Variants in NRROS observed in about 807,000 individuals in gnomAD.
NRROS encodes negative regulator of reactive oxygen species, also known as transforming growth factor beta activator LRRC33.
Under a neutral mutation model 12.0 loss-of-function variants are expected in NRROS, and 6 were observed. The ratio of observed to expected loss-of-function variants is 0.50; its 90% confidence interval spans 0.27 to 0.98. The LOEUF (loss-of-function observed/expected upper bound fraction) is 0.98, where lower values mean the gene tolerates loss of function less well. Among genes scored for constraint, NRROS ranks in the 50% least tolerant of loss-of-function variants. The pLI, the probability that NRROS is intolerant of heterozygous loss-of-function variation, is 0.11. For missense variants in NRROS, 857 were observed against 888.2 expected (o/e 0.96, Z 0.45); for synonymous variants, 462 against 410.2 (o/e 1.13, Z -1.53).
chr3:196,653,801 G>T (rs1215310473), intron 1 of NRROS, among the ~76,000 whole-genome samples: 1 of 152,158 alleles, frequency 6.6e-6, no homozygotes, highest in African/African-American at 2.4e-5. Context: ...CTGAATCTCT[G>T]CTGGTGCGTG....
At chr3:196,641,788 A>T (rs1737214401) in intron 1 of NRROS, among the ~76,000 whole-genome samples, 1 of 152,186 alleles carries the variant, frequency 6.6e-6, no homozygotes, top group South Asian at 2.1e-4. Context: ...CACAGTGTGC[A>T]CCAGACTCTC....
Position 196,660,435 on chromosome 3 carries a change from C to A in NRROS, c.792C>A (p.Phe264Leu). 6.2e-7 allele frequency: 1 copy of A among 1,613,944 alleles called. No homozygotes were observed. Among genetic ancestry groups the A allele is most frequent in the South Asian group, 1.1e-5 (1 of 91,076 alleles). ...TLDLSHNQLLFFPLLPQYSKL... is the reference protein window; with the variant it reads ...TLDLSHNQLLLFPLLPQYSKL... Reference sequence around the variant, plus strand: ...ACCTGTCTCACAACCAGCTGCTGTTCTTCCCGCTGCTGCCCCAGTACAGCA... The same window carrying A: ...ACCTGTCTCACAACCAGCTGCTGTTATTCCCGCTGCTGCCCCAGTACAGCA... The change falls in exon 3 of 3, where the codon TTC (phenylalanine) becomes TTA (leucine). Residue 264 changes from phenylalanine to leucine, a missense_variant. Transcript: ENST00000328557. The surrounding 1 kb of genome is among the most constrained non-coding windows in gnomAD (Gnocchi z 7.7).
intron 1 of NRROS, among the ~76,000 whole-genome samples, chr3:196,652,097 A>G (rs1420518404): frequency 6.6e-6 from 1 of 152,246 alleles, no homozygotes; most frequent in African/African-American, 2.4e-5. Context: ...GCTGTCAGCC[A>G]GCATAGTCAT....
In NRROS at chr3:196,661,889, G is replaced by A. The variant is rs910438898; in HGVS notation, c.*167G>A. 7 of 342,990 alleles carry A rather than the reference G, an allele frequency of 2.0e-5. No homozygotes were observed. The highest frequency in any genetic ancestry group is 1.8e-4 in the Admixed American group (3 of 16,634). The allele number at this position is 342,990 out of a possible 1,614,324, so 21.2% of individuals were successfully genotyped here. On this transcript the variant is annotated 3_prime_UTR_variant, in exon 3 of 3. Transcript: ENST00000328557. The stretch of plus-strand genomic sequence containing the variant: ...CCACCCCACCCCCGCCCCCACCACC[G>A]CCCAAGTTCTTTTTCCATCATTATA...
chr3:196,654,346 T>C lies in NRROS; in HGVS notation c.-13-181T>C, dbSNP rs1737491035. 6.6e-6 allele frequency among the ~76,000 whole-genome samples: 1 copy of C among 152,166 alleles called. No homozygotes were observed. Among genetic ancestry groups the C allele is most frequent in the Non-Finnish European group, 1.5e-5 (1 of 68,030 alleles). On this transcript the variant is annotated intron_variant, in intron 1 of 2. Transcript: ENST00000328557. The surrounding 1 kb of genome is among the most constrained non-coding windows in gnomAD (Gnocchi z 4.4). ...ATTGAGTTCTTGTCAACAGTTTCAGTGAAAGGCCGGAAGTCTTGGCTAAAT... is the reference window on the plus strand; with the variant it reads ...ATTGAGTTCTTGTCAACAGTTTCAGCGAAAGGCCGGAAGTCTTGGCTAAAT...
At chr3:196,650,296 A>G (rs1737399273) in intron 1 of NRROS, among the ~76,000 whole-genome samples, 1 of 152,188 alleles carries the variant, frequency 6.6e-6, no homozygotes, top group African/African-American at 2.4e-5. Context: ...GGCATCCGCC[A>G]CCACGCCCAG....
intron 1 of NRROS, among the ~76,000 whole-genome samples, chr3:196,645,714 G>T (rs1420523784): frequency 6.6e-6 from 1 of 151,984 alleles, no homozygotes; most frequent in Non-Finnish European, 1.5e-5. Context: ...CGGGGTGGGG[G>T]GATATATTTT....
At chr3:196,653,681 C>G (rs1277172323) in intron 1 of NRROS, among the ~76,000 whole-genome samples, 1 of 152,376 alleles carries the variant, frequency 6.6e-6, no homozygotes, top group African/African-American at 2.4e-5. Context: ...CGGGGCTGCT[C>G]TTAGCCCTGC....
At chr3:196,659,296 CTTTTTT>C (rs35305090) in intron 2 of NRROS, among the ~76,000 whole-genome samples, 6 of 81,406 alleles carry the variant, frequency 7.4e-5, no homozygotes, top group African/African-American at 2.5e-4. Context: ...CTCTCAAGTC[CTTTTTT>C]TTTTTTTTTT....
intron 1 of NRROS, among the ~76,000 whole-genome samples, chr3:196,653,940 C>T (rs1352543181): frequency 2.0e-5 from 3 of 152,134 alleles, no homozygotes; most frequent in Admixed American, 2.0e-4. Context: ...TCCGTGTTTC[C>T]CCCGTCCAAG....
At chr3:196,657,689 A>G (rs923466402) in intron 2 of NRROS, among the ~76,000 whole-genome samples, 1 of 149,962 alleles carries the variant, frequency 6.7e-6, no homozygotes, top group African/African-American at 2.5e-5. Context: ...CCTGGACGAC[A>G]AGAGTGAGAC....
chr3:196,651,832 G>A (rs181295990), intron 1 of NRROS, among the ~76,000 whole-genome samples: 1 of 152,196 alleles, frequency 6.6e-6, no homozygotes, highest in African/African-American at 2.4e-5. Context: ...CTAGGGGTCA[G>A]CGGAAGAAAC....
intron 1 of NRROS, among the ~76,000 whole-genome samples, chr3:196,640,098 CT>C (rs1737179417): frequency 1.3e-5 from 2 of 152,202 alleles, no homozygotes; most frequent in Admixed American, 1.3e-4. Context: ...TCCAGGAGCA[CT>C]TAGAGCTGAG....
At position 196,661,669 on chromosome 3, in the gene NRROS, A is replaced by G. The variant is rs1737686792; in HGVS notation, c.2026A>G (p.Lys676Glu). The change falls in exon 3 of 3, where the codon AAG becomes GAG. Residue 676 changes from lysine to glutamate, a missense_variant. Coordinates refer to ENST00000328557, the MANE Select transcript of NRROS (RefSeq NM_198565.3). The stretch of plus-strand genomic sequence containing the variant: ...CACTGTCATCGTCCTCACTTTTAAG[A>G]AGCCTCTGCTTCAGGTCATCAAGAG... ...ACTVIVLTFK[K>E]PLLQVIKSRC... 6.2e-7 allele frequency: 1 copy of G among 1,605,012 alleles called. No individual in the cohort carries two copies. Among genetic ancestry groups the G allele is most frequent in the Admixed American group, 1.7e-5 (1 of 59,984 alleles).
intron 1 of NRROS, among the ~76,000 whole-genome samples, chr3:196,651,914 C>G (rs946729141): frequency 6.6e-6 from 1 of 152,208 alleles, no homozygotes; most frequent in African/African-American, 2.4e-5. Context: ...CCTCTACTGT[C>G]TGACCTCCCA....
intron 2 of NRROS, among the ~76,000 whole-genome samples, chr3:196,655,977 C>T (rs1737531077): frequency 6.6e-6 from 1 of 152,154 alleles, no homozygotes; most frequent in African/African-American, 2.4e-5. Context: ...TCGAGACCAG[C>T]CTGGCCAACA....
Position 196,660,779 on chromosome 3 carries a change from C to T in NRROS, c.1136C>T (p.Thr379Ile), listed in dbSNP as rs765385100. Residue 379 changes from threonine (T) to isoleucine (I), a missense_variant, in exon 3 of 3, where the codon ACC becomes ATC. Thr to Ile is a moderately conservative substitution (Grantham distance 89). Coordinates refer to ENST00000328557, the MANE Select transcript of NRROS (RefSeq NM_198565.3). The surrounding 1 kb of genome is among the most constrained non-coding windows in gnomAD (Gnocchi z 7.7). Reference sequence around the variant, plus strand: ...GAGCACGAGCCCCCCGGAGCGCTCACCGAGCTGGACCTGAGCCACAACCAG... The same window carrying T: ...GAGCACGAGCCCCCCGGAGCGCTCATCGAGCTGGACCTGAGCCACAACCAG... Reference protein sequence around the residue: ...IREHEPPGALTELDLSHNQLS... With the variant: ...IREHEPPGALIELDLSHNQLS... The T allele has an allele frequency of 6.2e-7, 1 of 1,613,616 alleles. No homozygotes were observed. Among genetic ancestry groups the T allele is most frequent in the Admixed American group, 1.7e-5 (1 of 60,006 alleles).
intron 2 of NRROS, among the ~76,000 whole-genome samples, chr3:196,655,798 A>G (rs894528096): frequency 6.6e-6 from 1 of 152,224 alleles, no homozygotes; most frequent in Non-Finnish European, 1.5e-5. Flanking sequence ...AGATGTGAAA[A>G]TAGACTTGGG....
In NRROS at chr3:196,654,178, A is replaced by C. The variant is rs557564026; in HGVS notation, c.-13-349A>C. Among the ~76,000 whole-genome samples, 1 of 152,210 alleles carries C rather than the reference A, an allele frequency of 6.6e-6. No homozygotes were observed. Among genetic ancestry groups the C allele is most frequent in the South Asian group, 2.1e-4 (1 of 4,818 alleles). ...ACCGATTGGAGCTGGAGGCAGGAAA[A>C]CTTCAGCAGAATTACAAAATATGGG... On this transcript the variant is annotated intron_variant, in intron 1 of 2. Transcript: ENST00000328557. This position sits in a 1 kb window ranked among gnomAD's most constrained non-coding sequence, Gnocchi z 4.4.
Sources: allele counts gnomAD v4.1 joint callset (sites outside exome capture counted in the v4.1 genomes callset), GRCh38; gene constraint gnomAD v4.1.1; non-coding constraint Gnocchi (gnomAD v3.1); transcripts MANE v1.5; gene names NCBI Gene and HGNC (gene_info 2026-07-23, HGNC 2026-07-21).